Variants in DLGAP2 observed in about 807,000 individuals in gnomAD.
DLGAP2 encodes DLG associated protein 2.
In DLGAP2, 26 loss-of-function variants were observed where a neutral mutation model predicts 100.3. That is an observed-to-expected ratio of 0.26 (90% CI 0.19 to 0.36). DLGAP2 has a LOEUF of 0.36. Ranked by LOEUF, DLGAP2 falls within the 10% of genes least tolerant of loss-of-function variation. The probability of loss-of-function intolerance (pLI) is 1.00; values close to 1 mark genes in which losing one functional copy is unlikely to be tolerated. For synonymous variants in DLGAP2, 886 were observed against 630.1 expected, an observed-to-expected ratio of 1.41 and a Z score of -6.08; for missense variants, 1,858 against 1,453.2, an observed-to-expected ratio of 1.28 and a Z score of -4.53.
At chr8:1,357,401 CTTTT>C (rs5888828) in intron 3 of DLGAP2, among the ~76,000 whole-genome samples, 2 of 144,564 alleles carry the variant, frequency 1.4e-5, no homozygotes, top group Admixed American at 6.9e-5. Context: ...GGTGCCAAAT[CTTTT>C]TTTTTTTTTT....
intron 3 of DLGAP2, among the ~76,000 whole-genome samples, chr8:1,444,774 T>A (rs945576807): frequency 1.8e-5 from 2 of 108,506 alleles, no homozygotes; most frequent in African/African-American, 5.9e-5. Flanking sequence ...GGTCATTCTT[T>A]TTTTTTTTTT....
At chr8:781,705 C>T (rs755887208) in intron 1 of DLGAP2, among the ~76,000 whole-genome samples, 5 of 152,170 alleles carry the variant, frequency 3.3e-5, no homozygotes, top group Non-Finnish European at 7.3e-5. Flanking sequence ...AACGAACTTA[C>T]TTCTTAGAGT....
At position 1,028,441 on chromosome 8, in the gene DLGAP2, G is replaced by C. The variant is rs542989410; in HGVS notation, c.73+120475G>C. Among the ~76,000 whole-genome samples, 8 of 146,794 alleles carry C rather than the reference G, an allele frequency of 5.4e-5. No homozygotes were observed. The South Asian group carries it at 1.8e-3, about 32-fold the overall frequency. On this transcript the variant is annotated intron_variant, in intron 2 of 14. Coordinates refer to ENST00000637795, the MANE Select transcript of DLGAP2 (RefSeq NM_001346810.2). ...TCTCCAGGTGGGGTGTCAGGCGCCC[G>C]TTATTCTCCAGGTGGGGTGTCAGGC...
intron 2 of DLGAP2, among the ~76,000 whole-genome samples, chr8:1,168,693 C>G (rs1368464127): frequency 2.8e-5 from 4 of 145,440 alleles, no homozygotes; most frequent in Non-Finnish European, 6.0e-5. Context: ...TGAGAAGTGT[C>G]TGTTCATGTC....
intron 3 of DLGAP2, among the ~76,000 whole-genome samples, chr8:1,467,714 C>T (rs1040426239): frequency 3.3e-5 from 5 of 152,202 alleles, no homozygotes; most frequent in African/African-American, 1.2e-4. Context: ...GGAGCGTGGC[C>T]TGGCTGCTCT....
chr8:1,652,088 G>A (rs1212925779), intron 8 of DLGAP2, among the ~76,000 whole-genome samples: 1 of 152,214 alleles, frequency 6.6e-6, no homozygotes. Context: ...TAACATGCAG[G>A]TGTAGAATTA....
intron 1 of DLGAP2, among the ~76,000 whole-genome samples, chr8:777,638 G>A (rs1821562179): frequency 6.6e-6 from 1 of 152,050 alleles, no homozygotes; most frequent in Admixed American, 6.6e-5. Flanking sequence ...ATGAAATTCT[G>A]GGTTGAAAAT....
intron 3 of DLGAP2, among the ~76,000 whole-genome samples, chr8:1,437,812 A>C (rs13281235): frequency 1.7e-5 from 2 of 117,056 alleles, no homozygotes; most frequent in African/African-American, 8.0e-5. Context: ...TACTAAAAAT[A>C]CAAAAAAAAA....
chr8:1,155,087 C>T (rs757176548), intron 2 of DLGAP2, among the ~76,000 whole-genome samples: 3 of 152,292 alleles, frequency 2.0e-5, no homozygotes, highest in Non-Finnish European at 4.4e-5. Context: ...CTGCCTTCGT[C>T]GGAGGGGCCG....
At chr8:757,146 C>A (rs1366059115) in intron 1 of DLGAP2, among the ~76,000 whole-genome samples, 1 of 152,210 alleles carries the variant, frequency 6.6e-6, no homozygotes, top group African/African-American at 2.4e-5. Context: ...TGCTCTCTGT[C>A]CCCTTCCCTT....
intron 2 of DLGAP2, among the ~76,000 whole-genome samples, chr8:1,197,475 T>G (rs1328373745): frequency 2.0e-5 from 3 of 152,234 alleles, no homozygotes; most frequent in African/African-American, 7.2e-5. Flanking sequence ...AAGCACTGTT[T>G]ATGTTCCATA....
At chr8:1,666,205 G>A (rs1351080963) in intron 8 of DLGAP2, among the ~76,000 whole-genome samples, 1 of 152,134 alleles carries the variant, frequency 6.6e-6, no homozygotes, top group African/African-American at 2.4e-5. Flanking sequence ...TTTTGCTTAA[G>A]GCATTGATTG....
intron 3 of DLGAP2, among the ~76,000 whole-genome samples, chr8:1,362,512 G>A (rs987300940): frequency 6.6e-6 from 1 of 152,070 alleles, no homozygotes; most frequent in Non-Finnish European, 1.5e-5. Flanking sequence ...CCCTTACACT[G>A]TGTGGTCCCC....
chr8:1,358,724 A>G (rs1801910557), intron 3 of DLGAP2, among the ~76,000 whole-genome samples: 1 of 151,428 alleles, frequency 6.6e-6, no homozygotes, highest in African/African-American at 2.4e-5. Context: ...ATCTGGAACC[A>G]TGCTGCGCAG....
At chr8:1,136,537 C>T (rs1796417374) in intron 2 of DLGAP2, among the ~76,000 whole-genome samples, 1 of 152,230 alleles carries the variant, frequency 6.6e-6, no homozygotes, top group Admixed American at 6.5e-5. Context: ...GACAACGTGG[C>T]TAGCACCAAG....
At chr8:1,157,341 C>T (rs1406645206) in intron 2 of DLGAP2, among the ~76,000 whole-genome samples, 2 of 152,236 alleles carry the variant, frequency 1.3e-5, no homozygotes, top group African/African-American at 2.4e-5. Flanking sequence ...GCACTTCCAG[C>T]GACGACGGCC....
intron 3 of DLGAP2, among the ~76,000 whole-genome samples, chr8:1,454,352 A>G (rs1424313738): frequency 5.3e-5 from 8 of 150,272 alleles, no homozygotes; most frequent in Non-Finnish European, 8.9e-5. Context: ...CTTCCTCTGT[A>G]ACGTTTTTTT....
At chr8:1,554,541 T>C (rs750327927) in intron 5 of DLGAP2, among the ~76,000 whole-genome samples, 16 of 152,042 alleles carry the variant, frequency 1.1e-4, no homozygotes, top group African/African-American at 3.1e-4. Flanking sequence ...CACCTTGACC[T>C]TTATTGAGGG....
intron 1 of DLGAP2, chr8:739,475 C>T (rs1294716880): frequency 6.6e-6 from 1 of 152,260 alleles, no homozygotes; most frequent in Non-Finnish European, 1.5e-5. Flanking sequence ...TAAACCCCGG[C>T]CCCAGCGCAC....
Sources: gnomAD v4.1 joint callset for allele counts (sites outside exome capture counted in the v4.1 genomes callset) on GRCh38, gnomAD v4.1.1 for gene constraint, MANE v1.5 for transcripts, NCBI Gene and HGNC (gene_info 2026-07-23, HGNC 2026-07-21) for gene names.